The following HHIPL1 variants were observed in gnomAD, a reference collection of about 807,000 sequenced individuals.
HHIPL1 encodes HHIP-like protein 1.
In HHIPL1, 43 loss-of-function variants were observed where a neutral mutation model predicts 61.8. The ratio of observed to expected loss-of-function variants is 0.70; its 90% CI spans 0.55 to 0.90. The LOEUF is 0.90. Among genes scored for constraint, HHIPL1 ranks in the 40% least tolerant of loss-of-function variants. The pLI is 0.00. For synonymous variants in HHIPL1, 482 were observed against 515.8 expected (o/e 0.93, Z 0.89); for missense variants, 1,056 against 1,157.7 (o/e 0.91, Z 1.28).
intron 7 of HHIPL1, among the ~76,000 whole-genome samples, chr14:99,670,833 C>A (rs78307092): frequency 0.014 from 2,117 of 152,238 alleles, 43 homozygotes; most frequent in African/African-American, 0.048. Context: ...TCACTATAAC[C>A]CATTCCTTGG....
the HHIPL1 span, among the ~76,000 whole-genome samples, chr14:99,624,098 A>G: frequency 6.6e-6 from 1 of 152,194 alleles, no homozygotes; most frequent in African/African-American, 2.4e-5. Context: ...CCTTCAGGTG[A>G]GAGAATGGAA....
Position 99,652,454 on chromosome 14 carries a change from G to A in HHIPL1, c.486G>A (p.Leu162=). ...DDTDYCFPYL[L]VNKNLNSNLG... ...CGGACTACTGCTTCCCTTACCTGCT[G>A]GTCAACAAGAACCTCAACTCAAACC... is the stretch of plus-strand genomic sequence containing the variant. The change falls in exon 2 of 9, where the codon CTG becomes CTA. Residue 162 remains leucine, a synonymous_variant. Coordinates refer to ENST00000330710, the MANE Select transcript of HHIPL1 (RefSeq NM_001127258.3). The A allele has an allele frequency of 3.1e-6, 5 of 1,614,082 alleles. No individual in the cohort carries two copies. Among genetic ancestry groups the A allele is most frequent in the Non-Finnish European group, 4.2e-6 (5 of 1,180,034 alleles).
chr14:99,622,207 A>C, the HHIPL1 span, among the ~76,000 whole-genome samples: 1 of 152,298 alleles, frequency 6.6e-6, no homozygotes, highest in African/African-American at 2.4e-5. Context: ...TTCTCATGGG[A>C]CATTGCCTTT....
the HHIPL1 span, among the ~76,000 whole-genome samples, chr14:99,631,296 C>T: frequency 2.0e-5 from 3 of 151,966 alleles, no homozygotes; most frequent in Non-Finnish European, 2.9e-5. Context: ...GTCTTGAACT[C>T]CTGACCTCAG....
At chr14:99,605,803 G>A in the HHIPL1 span, among the ~76,000 whole-genome samples, 1 of 152,214 alleles carries the variant, frequency 6.6e-6, no homozygotes, top group Non-Finnish European at 1.5e-5. Flanking sequence ...ATAAGGGGAA[G>A]GGCATTCCAG....
chr14:99,620,225 C>A, the HHIPL1 span, among the ~76,000 whole-genome samples: 1 of 152,192 alleles, frequency 6.6e-6, no homozygotes, highest in Admixed American at 6.5e-5. Context: ...TCCCTCAGCT[C>A]CCCAGGGAGT....
the HHIPL1 span, among the ~76,000 whole-genome samples, chr14:99,607,458 T>C: frequency 1.3e-5 from 2 of 152,122 alleles, no homozygotes; most frequent in East Asian, 3.9e-4. Context: ...TCTACCCCCC[T>C]TTTTTTAAAG....
chr14:99,605,672 T>A, the HHIPL1 span, among the ~76,000 whole-genome samples: 3 of 152,234 alleles, frequency 2.0e-5, no homozygotes, highest in Admixed American at 2.0e-4. Flanking sequence ...TTGTCTTAAG[T>A]GCTGTGCGGG....
chr14:99,609,226 T>C, the HHIPL1 span, among the ~76,000 whole-genome samples: 3 of 152,184 alleles, frequency 2.0e-5, no homozygotes, highest in African/African-American at 7.2e-5. Context: ...TCTGGGTGGG[T>C]GACCCTAGAC....
rs769018561 is a variant in HHIPL1, at chr14:99,660,300, G to A, written c.1396G>A (p.Ala466Thr). Residue 466 changes from alanine to threonine, a missense_variant, in exon 5 of 9, where the codon GCC (alanine) becomes ACC (threonine). Physicochemically the swap from Ala to Thr is moderately conservative, Grantham distance 58. Coordinates refer to ENST00000330710, the MANE Select transcript of HHIPL1 (RefSeq NM_001127258.3). This position sits in a 1 kb window ranked among gnomAD's most constrained non-coding sequence, Gnocchi z 4.9. ...TSLNDLLPIF[A>T]YPHTVGKSVT... ...CGCAGATGACTTGCTGCCGATTTTC[G>A]CCTACCCGCACACGGTTGGCAAGTC... 29 of 1,613,812 alleles carry A rather than the reference G, an allele frequency of 1.8e-5. No individual in the cohort carries two copies. Among genetic ancestry groups the A allele is most frequent in the Non-Finnish European group, 2.1e-5 (25 of 1,179,966 alleles).
At chr14:99,631,870 C>G in the HHIPL1 span, among the ~76,000 whole-genome samples, 1 of 152,212 alleles carries the variant, frequency 6.6e-6, no homozygotes, top group Non-Finnish European at 1.5e-5. Flanking sequence ...GTCCTACTGG[C>G]CAAAGTGCCC....
rs772524671 is a variant in HHIPL1 at position 99,652,310 on chromosome 14, C to T, written c.342C>T (p.Tyr114=). 1 of 1,614,138 alleles carries T rather than the reference C, an allele frequency of 6.2e-7. No homozygotes were observed. Among genetic ancestry groups the T allele is most frequent in the African/African-American group, 1.3e-5 (1 of 75,078 alleles). Residue 114 remains tyrosine, a synonymous_variant, in exon 2 of 9, where the codon TAC becomes TAT. Coordinates refer to ENST00000330710, the MANE Select transcript of HHIPL1 (RefSeq NM_001127258.3). The stretch of plus-strand genomic sequence containing the variant: ...CGGTGCCCGGGCTCTGCCAGGATTA[C>T]TGCCTGGACATGTGGCATAAGTGCC... ...LRTVPGLCQD[Y]CLDMWHKCRG...
the HHIPL1 span, among the ~76,000 whole-genome samples, chr14:99,633,802 CT>C: frequency 1.3e-5 from 2 of 152,270 alleles, no homozygotes; most frequent in African/African-American, 4.8e-5. Context: ...TTTTCCAGCT[CT>C]GATGTCCAGG....
chr14:99,605,643 A>G, the HHIPL1 span, among the ~76,000 whole-genome samples: 1 of 152,242 alleles, frequency 6.6e-6, no homozygotes, highest in Non-Finnish European at 1.5e-5. Context: ...AAGATAGACG[A>G]GCTAGATCAG....
At chr14:99,665,633 C>T (rs9805960) in intron 6 of HHIPL1, among the ~76,000 whole-genome samples, 47,337 of 152,148 alleles carry the variant, frequency 0.31, 8,651 homozygotes, top group East Asian at 0.43. Flanking sequence ...TGGGGTCTTA[C>T]TGTGTTGCCT....
the HHIPL1 span, among the ~76,000 whole-genome samples, chr14:99,626,267 G>GTGTGTGTGTGT: frequency 2.7e-5 from 4 of 147,576 alleles, no homozygotes; most frequent in African/African-American, 7.4e-5. Flanking sequence ...GGTGTAGCGG[G>GTGTGTGTGTGT]GTGTGTGTGT....
Position 99,678,521 on chromosome 14 carries a change from C to T in HHIPL1, c.*2895C>T, listed in dbSNP as rs2056411668. The T allele has an allele frequency of 1.3e-5, 2 of 152,196 alleles. 1 individual carries two copies. Among genetic ancestry groups the T allele is most frequent in the African/African-American group, 4.8e-5 (2 of 41,448 alleles). The allele number at this position is 152,196 out of a possible 1,614,324, so 9.4% of individuals were successfully genotyped here. ...ATGCAGTTTGTCCCTGCTACTGTGTCCTATGTCCATTGGCAGAAGCCAGAC... is the reference window on the plus strand; with the variant it reads ...ATGCAGTTTGTCCCTGCTACTGTGTTCTATGTCCATTGGCAGAAGCCAGAC... On this transcript the variant is annotated 3_prime_UTR_variant, in exon 9 of 9. Coordinates refer to ENST00000330710, the MANE Select transcript of HHIPL1 (RefSeq NM_001127258.3).
intron 6 of HHIPL1, among the ~76,000 whole-genome samples, 199 bp downstream of exon 6, chr14:99,663,220 T>C (rs533273287): frequency 6.6e-6 from 1 of 152,010 alleles, no homozygotes; most frequent in Non-Finnish European, 1.5e-5. Context: ...CAAGAGAGGG[T>C]TCTTGGATCT....
chr14:99,664,915 C>T (rs371763377), intron 6 of HHIPL1, among the ~76,000 whole-genome samples: 5,037 of 141,670 alleles, frequency 0.036, 286 homozygotes, highest in African/African-American at 0.12. Flanking sequence ...TTTTTTTTTT[C>T]TTTTTTTTTT....
Sources: allele counts gnomAD v4.1 joint callset (sites outside exome capture counted in the v4.1 genomes callset), GRCh38; gene constraint gnomAD v4.1.1; non-coding constraint Gnocchi (gnomAD v3.1); transcripts MANE v1.5; gene names NCBI Gene and HGNC (gene_info 2026-07-23, HGNC 2026-07-21).